The following CNTNAP2 variants were observed in gnomAD, a reference collection of about 807,000 sequenced individuals.
The protein encoded by CNTNAP2 is contactin associated protein 2, also known as contactin-associated protein-like 2.
Under a neutral mutation model 155.2 loss-of-function variants are expected in CNTNAP2, and 98 were observed. That is an observed-to-expected ratio of 0.63 (90% CI 0.54 to 0.75). CNTNAP2 has a LOEUF of 0.75. CNTNAP2 is among the 30% of genes least tolerant of loss of function. CNTNAP2 has a pLI of 0.00. For missense variants in CNTNAP2, 1,727 were observed against 1,688.1 expected (o/e 1.02, Z -0.40); for synonymous variants, 651 against 631.2 (o/e 1.03, Z -0.47).
At chr7:146,958,153 C>T (rs1563020659) in intron 3 of CNTNAP2, among the ~76,000 whole-genome samples, 1 of 152,014 alleles carries the variant, frequency 6.6e-6, no homozygotes, top group African/African-American at 2.4e-5. Context: ...GTGCCAAAGG[C>T]GAATGGCACC....
chr7:146,358,973 G>A (rs1584887848), intron 1 of CNTNAP2, among the ~76,000 whole-genome samples: 1 of 152,216 alleles, frequency 6.6e-6, no homozygotes, highest in East Asian at 1.9e-4. Context: ...TTCACTGTTA[G>A]TCCTAAATCT....
chr7:147,196,756 T>C (rs769117868), intron 8 of CNTNAP2, among the ~76,000 whole-genome samples: 6 of 152,242 alleles, frequency 3.9e-5, no homozygotes, highest in African/African-American at 1.2e-4. Flanking sequence ...AATTACAGAA[T>C]GGCACAAGCG....
intron 1 of CNTNAP2, among the ~76,000 whole-genome samples, chr7:146,673,780 G>T (rs1476842077): frequency 6.6e-6 from 1 of 151,904 alleles, no homozygotes; most frequent in Non-Finnish European, 1.5e-5. Context: ...TAGAGGTCTT[G>T]CTGATTTGCC....
At chr7:147,109,583 C>T (rs1322857825) in intron 5 of CNTNAP2, among the ~76,000 whole-genome samples, 2 of 152,000 alleles carry the variant, frequency 1.3e-5, no homozygotes, top group Non-Finnish European at 2.9e-5. Context: ...TGTAGTATCA[C>T]AGAAATCAAG....
chr7:146,902,700 T>C (rs768529004), intron 3 of CNTNAP2, among the ~76,000 whole-genome samples: 8 of 152,210 alleles, frequency 5.3e-5, no homozygotes, highest in Non-Finnish European at 5.9e-5. Flanking sequence ...CCTAGTCTCT[T>C]CTGGTTAACT....
chr7:147,159,701 T>A (rs1309588996), intron 8 of CNTNAP2, among the ~76,000 whole-genome samples: 5 of 152,104 alleles, frequency 3.3e-5, no homozygotes, highest in African/African-American at 4.8e-5. Context: ...TCTTATGTAA[T>A]ATGACTTACC....
chr7:148,138,796 AAC>A (rs1229907945), intron 16 of CNTNAP2, among the ~76,000 whole-genome samples: 1 of 152,234 alleles, frequency 6.6e-6, no homozygotes, highest in African/African-American at 2.4e-5. Context: ...TTTAAAACCC[AAC>A]TGCAAGTCCT....
At chr7:147,925,287 C>CGT (rs1230814461) in intron 14 of CNTNAP2, among the ~76,000 whole-genome samples, 140 of 74,452 alleles carry the variant, frequency 1.9e-3, no homozygotes, top group African/African-American at 6.6e-3. Flanking sequence ...CACACAAGCG[C>CGT]GCGCGCACAC....
chr7:146,711,035 C>T (rs28535160), intron 1 of CNTNAP2, among the ~76,000 whole-genome samples: 1 of 151,662 alleles, frequency 6.6e-6, no homozygotes, highest in African/African-American at 2.4e-5. Flanking sequence ...AACCTCTTGG[C>T]TCAGGTGCTG....
At chr7:147,937,718 C>T (rs1800637011) in intron 14 of CNTNAP2, among the ~76,000 whole-genome samples, 1 of 152,126 alleles carries the variant, frequency 6.6e-6, no homozygotes, top group Admixed American at 6.5e-5. Flanking sequence ...CTCACAATTC[C>T]CTGGATGATA....
chr7:146,965,043 G>A (rs994794582), intron 3 of CNTNAP2, among the ~76,000 whole-genome samples: 1 of 152,272 alleles, frequency 6.6e-6, no homozygotes, highest in Admixed American at 6.5e-5. Context: ...AGAAGCTTAT[G>A]CATAAATACT....
intron 3 of CNTNAP2, among the ~76,000 whole-genome samples, chr7:146,976,024 C>A (rs2129235129): frequency 6.6e-6 from 1 of 152,272 alleles, no homozygotes; most frequent in African/African-American, 2.4e-5. Context: ...ATTGAGGCAT[C>A]ATTGTGGACA....
At chr7:146,225,039 T>G (rs924684138) in intron 1 of CNTNAP2, among the ~76,000 whole-genome samples, 1 of 152,118 alleles carries the variant, frequency 6.6e-6, no homozygotes, top group African/African-American at 2.4e-5. Context: ...GAGAAAAAGT[T>G]TGGAAAGCTA....
chr7:146,487,295 G>A (rs1440291472), intron 1 of CNTNAP2, among the ~76,000 whole-genome samples: 2 of 152,152 alleles, frequency 1.3e-5, no homozygotes, highest in African/African-American at 4.8e-5. Context: ...TGACAAGCAT[G>A]TCTGGATTTA....
rs536708297 is a variant in CNTNAP2 at position 146,438,179 on chromosome 7, A to G, written c.97+321206A>G. Among the ~76,000 whole-genome samples, 36 of 151,488 alleles carry G rather than the reference A, an allele frequency of 2.4e-4. No individual in the cohort carries two copies. In the South Asian group the frequency reaches 3.1e-3, roughly 13 times the overall value. On this transcript the variant is annotated intron_variant, in intron 1 of 23. Transcript: ENST00000361727. Reference sequence around the variant, plus strand: ...CAAGCCCGGAATGCCTAGTATACATATGTGCAATTCGTATCATATAATAAA... The same window carrying G: ...CAAGCCCGGAATGCCTAGTATACATGTGTGCAATTCGTATCATATAATAAA...
chr7:146,623,855 G>A (rs906249103), intron 1 of CNTNAP2, among the ~76,000 whole-genome samples: 18 of 152,138 alleles, frequency 1.2e-4, no homozygotes, highest in Non-Finnish European at 2.2e-4. Context: ...AATGCAAAAC[G>A]GCACAGCTAC....
At chr7:147,390,089 G>A (rs958440297) in intron 9 of CNTNAP2, among the ~76,000 whole-genome samples, 8 of 152,194 alleles carry the variant, frequency 5.3e-5, no homozygotes, top group African/African-American at 9.6e-5. Flanking sequence ...TTCATAAAGA[G>A]AACAAACACA....
intron 1 of CNTNAP2, among the ~76,000 whole-genome samples, chr7:146,310,857 C>G (rs1472658919): frequency 6.6e-6 from 1 of 152,104 alleles, no homozygotes; most frequent in Admixed American, 6.6e-5. Context: ...TTATAAAACT[C>G]TATTTTACTA....
intron 4 of CNTNAP2, among the ~76,000 whole-genome samples, chr7:147,096,888 T>G (rs1024898287): frequency 6.6e-6 from 1 of 152,150 alleles, no homozygotes; most frequent in Non-Finnish European, 1.5e-5. Context: ...GTTTTTAGTG[T>G]TTTACCAGAC....
Sources: allele counts gnomAD v4.1 joint callset (sites outside exome capture counted in the v4.1 genomes callset), GRCh38; gene constraint gnomAD v4.1.1; transcripts MANE v1.5; gene names NCBI Gene and HGNC (gene_info 2026-07-23, HGNC 2026-07-21).